KLF8: variants seen among roughly 807,000 people sequenced by gnomAD.
KLF8 encodes the protein Krueppel-like factor 8.
A neutral mutation model predicts 18.2 loss-of-function variants in KLF8; 10 were observed. That is an observed-to-expected ratio of 0.55 (90% CI 0.34 to 0.93). KLF8 has a LOEUF of 0.93. Among genes scored for constraint, KLF8 ranks in the 40% least tolerant of loss-of-function variants. The probability of loss-of-function intolerance (pLI) is 0.02; values close to 1 mark genes in which losing one functional copy is unlikely to be tolerated. For missense variants in KLF8, 264 were observed against 277.9 expected (o/e 0.95, Z 0.36); for synonymous variants, 109 against 97.3 (o/e 1.12, Z -0.71).
chrX:55,936,731 C>A, the KLF8 span, among the ~76,000 whole-genome samples: 1 of 112,157 alleles, frequency 8.9e-6, no homozygotes, highest in Non-Finnish European at 1.9e-5. Flanking sequence ...GAGATTATAT[C>A]CTGCACCTGG....
the KLF8 span, among the ~76,000 whole-genome samples, chrX:56,033,831 C>A: frequency 1.8e-5 from 2 of 111,886 alleles, no homozygotes; most frequent in African/African-American, 3.2e-5. Flanking sequence ...CTTTTCAGAT[C>A]TTTTGTCTGT....
In KLF8 at chrX:56,263,032, G is replaced by A. The variant is rs1431828203; in HGVS notation, c.82-2148G>A. 1.1e-4 allele frequency among the ~76,000 whole-genome samples: 12 copies of A among 112,046 alleles called. No homozygotes were observed. In the Admixed American group the frequency reaches 1.1e-3, roughly 11 times the overall value. On this transcript the variant is annotated intron_variant, in intron 2 of 5. Transcript: ENST00000468660. ...ACATTTTTTCTTTTGAAGATTCCTT[G>A]GATTCTATCTTTTTAATCTGGGAAT...
chrX:55,928,818 C>T, the KLF8 span, among the ~76,000 whole-genome samples: 2 of 111,831 alleles, frequency 1.8e-5, no homozygotes, highest in Non-Finnish European at 3.8e-5. Flanking sequence ...GTGAACAGTG[C>T]TGCAATAAAC....
chrX:56,095,607 G>GA, the KLF8 span, among the ~76,000 whole-genome samples: 3 of 110,186 alleles, frequency 2.7e-5, no homozygotes, highest in Admixed American at 2.9e-4. Context: ...AAGACAACAG[G>GA]AAAAAAACAA....
chrX:55,936,434 C>T, the KLF8 span, among the ~76,000 whole-genome samples: 2 of 112,649 alleles, frequency 1.8e-5, no homozygotes, highest in Non-Finnish European at 3.8e-5. Context: ...CTCCAGTCTA[C>T]AGCTCCCAGT....
the KLF8 span, among the ~76,000 whole-genome samples, chrX:56,206,892 C>T: frequency 8.9e-6 from 1 of 112,653 alleles, no homozygotes; most frequent in Non-Finnish European, 1.9e-5. Flanking sequence ...GCCTGGACAT[C>T]CAAGCATTTC....
the KLF8 span, among the ~76,000 whole-genome samples, chrX:56,103,174 G>A: frequency 9.1e-6 from 1 of 109,965 alleles, no homozygotes; most frequent in Non-Finnish European, 1.9e-5. Flanking sequence ...TTTTGGCTTA[G>A]GATTGACTTG....
chrX:56,269,975 C>T (rs1235171154), intron 4 of KLF8, among the ~76,000 whole-genome samples: 2 of 111,802 alleles, frequency 1.8e-5, no homozygotes, highest in Non-Finnish European at 3.8e-5. Context: ...TCTCTGAGCA[C>T]CTACTGAGGG....
chrX:56,048,896 A>G, the KLF8 span, among the ~76,000 whole-genome samples: 2 of 111,719 alleles, frequency 1.8e-5, no homozygotes, highest in African/African-American at 6.5e-5. Context: ...CTTCCTACCC[A>G]TAAGCATGGA....
At chrX:56,017,015 CTA>C in the KLF8 span, among the ~76,000 whole-genome samples, 2 of 111,116 alleles carry the variant, frequency 1.8e-5, no homozygotes, top group African/African-American at 6.5e-5. Flanking sequence ...GAGGGAGGTG[CTA>C]TATATCTATA....
At chrX:55,912,220 T>C in the KLF8 span, among the ~76,000 whole-genome samples, 1 of 111,510 alleles carries the variant, frequency 9.0e-6, no homozygotes, top group Non-Finnish European at 1.9e-5. Flanking sequence ...ACTTTTTTCA[T>C]ACACCATCTG....
chrX:55,972,676 A>C, the KLF8 span, among the ~76,000 whole-genome samples: 2 of 111,118 alleles, frequency 1.8e-5, no homozygotes, highest in African/African-American at 6.5e-5. Flanking sequence ...GTACCCATAA[A>C]AATTTTAAAT....
the KLF8 span, among the ~76,000 whole-genome samples, chrX:56,198,759 G>GA: frequency 3.6e-5 from 4 of 111,450 alleles, no homozygotes; most frequent in South Asian, 3.7e-4. Context: ...CATATGAAAT[G>GA]AAAAAAGAGC....
At chrX:56,079,855 A>G in the KLF8 span, among the ~76,000 whole-genome samples, 1 of 111,216 alleles carries the variant, frequency 9.0e-6, no homozygotes, top group Non-Finnish European at 1.9e-5. Context: ...ATATATATTT[A>G]GGATAGTTAG....
chrX:55,955,736 G>A, the KLF8 span, among the ~76,000 whole-genome samples: 1 of 111,637 alleles, frequency 9.0e-6, no homozygotes, highest in Non-Finnish European at 1.9e-5. Context: ...GGGCTATGAA[G>A]ACAGGGACAG....
the KLF8 span, among the ~76,000 whole-genome samples, chrX:56,088,903 G>A: frequency 9.9e-4 from 111 of 111,733 alleles, no homozygotes; most frequent in African/African-American, 3.4e-3. Context: ...TTGGCTACAA[G>A]AAGGGTTGGA....
chrX:56,022,741 G>C, the KLF8 span, among the ~76,000 whole-genome samples: 22 of 108,881 alleles, frequency 2.0e-4, no homozygotes, highest in African/African-American at 7.4e-4. Context: ...AGGGTAGAAT[G>C]AGGTTGGAGC....
chrX:55,924,078 CA>C, the KLF8 span, among the ~76,000 whole-genome samples: 2 of 110,764 alleles, frequency 1.8e-5, no homozygotes, highest in Non-Finnish European at 3.8e-5. Flanking sequence ...GCACCCCTAA[CA>C]TTTTTTTTTG....
the KLF8 span, among the ~76,000 whole-genome samples, chrX:55,944,179 G>A: frequency 1.8e-5 from 2 of 109,269 alleles, no homozygotes; most frequent in Admixed American, 9.8e-5. Flanking sequence ...CAGGGATGAA[G>A]CCCACTTGAT....
Sources: gnomAD v4.1 joint callset for allele counts (sites outside exome capture counted in the v4.1 genomes callset) on GRCh38, gnomAD v4.1.1 for gene constraint, MANE v1.5 for transcripts, NCBI Gene and HGNC (gene_info 2026-07-23, HGNC 2026-07-21) for gene names.